Variants in AGBL4 observed in about 807,000 individuals in gnomAD.
AGBL4 encodes cytosolic carboxypeptidase 6.
In AGBL4, 58 loss-of-function variants were observed where a neutral mutation model predicts 66.4. That is an observed-to-expected ratio of 0.87 (90% CI 0.71 to 1.09). AGBL4 has a LOEUF of 1.09. Among genes scored for constraint, AGBL4 ranks in the 50% least tolerant of loss-of-function variants. AGBL4 has a pLI of 0.00. For missense variants in AGBL4, 579 were observed against 631.0 expected, an observed-to-expected ratio of 0.92 and a Z score of 0.88; for synonymous variants, 234 against 222.9, an observed-to-expected ratio of 1.05 and a Z score of -0.44.
intron 4 of AGBL4, among the ~76,000 whole-genome samples, chr1:49,062,790 C>T (rs145915355): frequency 6.1e-4 from 93 of 152,336 alleles, no homozygotes; most frequent in African/African-American, 2.2e-3. Context: ...AAGGAGTCAG[C>T]TGTGACATCT....
intron 3 of AGBL4, among the ~76,000 whole-genome samples, chr1:49,501,537 CT>C (rs35743021): frequency 0.42 from 64,356 of 151,754 alleles, 16,308 homozygotes; most frequent in Non-Finnish European, 0.57. Flanking sequence ...AGTCTTCTCC[CT>C]TTTTTTCTTA....
At chr1:48,940,089 C>A (rs1655830912) in intron 5 of AGBL4, among the ~76,000 whole-genome samples, 1 of 152,170 alleles carries the variant, frequency 6.6e-6, no homozygotes, top group African/African-American at 2.4e-5. Context: ...ACTGCAATGT[C>A]CTTGTGAGAT....
At chr1:49,979,888 T>G (rs771066302) in intron 1 of AGBL4, among the ~76,000 whole-genome samples, 1 of 152,208 alleles carries the variant, frequency 6.6e-6, no homozygotes, top group Non-Finnish European at 1.5e-5. Flanking sequence ...TACCATACAT[T>G]GAAGTCTACA....
intron 5 of AGBL4, among the ~76,000 whole-genome samples, chr1:48,971,948 C>T (rs1275982364): frequency 6.6e-6 from 1 of 152,160 alleles, no homozygotes; most frequent in East Asian, 1.9e-4. Context: ...GGATAGCTCT[C>T]TTCTCTGCCT....
chr1:49,192,396 T>C (rs1224531299), intron 4 of AGBL4, among the ~76,000 whole-genome samples: 1 of 152,224 alleles, frequency 6.6e-6, no homozygotes, highest in Non-Finnish European at 1.5e-5. Context: ...CCTCCTGGGT[T>C]CAAGTGATTC....
chr1:49,509,742 T>G (rs1001969354), intron 3 of AGBL4, among the ~76,000 whole-genome samples: 1 of 151,988 alleles, frequency 6.6e-6, no homozygotes, highest in Admixed American at 6.6e-5. Flanking sequence ...ACAACCTTTA[T>G]GGCCTTGGAG....
intron 3 of AGBL4, among the ~76,000 whole-genome samples, chr1:49,373,568 A>G (rs1270191348): frequency 6.6e-6 from 1 of 152,198 alleles, no homozygotes; most frequent in African/African-American, 2.4e-5. Flanking sequence ...AGAGGGCAAA[A>G]CAAAGGGCAA....
Position 48,905,236 on chromosome 1 carries a change from A to G in AGBL4, c.595-38006T>C, listed in dbSNP as rs17105111. Among the ~76,000 whole-genome samples the G allele has an allele frequency of 8.6e-3, 1,303 of 152,302 alleles. 21 individuals carry two copies. The highest frequency in any genetic ancestry group is 0.03 in the African/African-American group (1,246 of 41,556). On this transcript the variant is annotated intron_variant, in intron 5 of 13. Transcript: ENST00000371839. ...AGCCCCTCTATGAAAGACACTTACA[A>G]CAAGAGGGAAGCAAAAAGCACAGTT...
Position 49,542,357 on chromosome 1 carries a change from C to T in AGBL4, c.282+154956G>A, listed in dbSNP as rs774934200. On this transcript the variant is annotated intron_variant, in intron 3 of 13. Coordinates refer to ENST00000371839, the MANE Select transcript of AGBL4 (RefSeq NM_032785.4). ...TGCCTTTATGAGCTGTAACACTCACCGCAAAGGTCTGCAGCTTCACTCCTG... is the reference window on the plus strand; with the variant it reads ...TGCCTTTATGAGCTGTAACACTCACTGCAAAGGTCTGCAGCTTCACTCCTG... Among the ~76,000 whole-genome samples the T allele has an allele frequency of 5.9e-5, 9 of 152,134 alleles. No homozygotes were observed. In the East Asian group the frequency reaches 9.7e-4, roughly 16 times the overall value.
At chr1:48,986,508 C>T (rs1458358188) in intron 5 of AGBL4, among the ~76,000 whole-genome samples, 1 of 151,924 alleles carries the variant, frequency 6.6e-6, no homozygotes, top group Non-Finnish European at 1.5e-5. Context: ...GACAGAGCAA[C>T]ATGTCTGAAG....
intron 3 of AGBL4, among the ~76,000 whole-genome samples, chr1:49,483,262 C>G (rs1646994028): frequency 6.6e-6 from 1 of 152,056 alleles, no homozygotes; most frequent in Non-Finnish European, 1.5e-5. Context: ...CTTTGAGGAT[C>G]TTAACCAAAG....
At chr1:49,566,675 G>T (rs1459707823) in intron 3 of AGBL4, among the ~76,000 whole-genome samples, 3 of 152,180 alleles carry the variant, frequency 2.0e-5, no homozygotes, top group African/African-American at 4.8e-5. Flanking sequence ...TCTCAGAGGG[G>T]TACCTGGCTT....
chr1:49,809,224 G>A lies in AGBL4; in HGVS notation c.157+42172C>T, dbSNP rs377428673. ...CACAACATGCAGGTTTGTTACATAT[G>A]TATACATGTGCCATGTTGGTGTGCT... is the stretch of plus-strand genomic sequence containing the variant. On this transcript the variant is annotated intron_variant, in intron 2 of 13. Transcript: ENST00000371839. Among the ~76,000 whole-genome samples, 50 of 152,042 alleles carry A rather than the reference G, an allele frequency of 3.3e-4. 1 individual carries two copies. The South Asian group carries it at 9.6e-3, about 29-fold the overall frequency.
chr1:49,340,739 T>G (rs1645523340), intron 3 of AGBL4, among the ~76,000 whole-genome samples: 1 of 152,184 alleles, frequency 6.6e-6, no homozygotes, highest in Admixed American at 6.5e-5. Flanking sequence ...GGCTGAGACC[T>G]GCTGGGCTGC....
intron 1 of AGBL4, among the ~76,000 whole-genome samples, chr1:49,926,201 T>C (rs1393100853): frequency 6.6e-6 from 1 of 152,190 alleles, no homozygotes; most frequent in African/African-American, 2.4e-5. Context: ...CTGCTTATTT[T>C]AGAGAAAGTA....
At chr1:49,790,535 A>G (rs544389447) in intron 2 of AGBL4, among the ~76,000 whole-genome samples, 110 of 152,326 alleles carry the variant, frequency 7.2e-4, no homozygotes, top group African/African-American at 2.5e-3. Flanking sequence ...GGGATGAGTG[A>G]TAATAAATAA....
At chr1:49,174,572 TG>T (rs1646796929) in intron 4 of AGBL4, among the ~76,000 whole-genome samples, 1 of 152,096 alleles carries the variant, frequency 6.6e-6, no homozygotes, top group South Asian at 2.1e-4. Context: ...AAAATGAAAT[TG>T]TTTAGGAACA....
At chr1:49,017,035 C>G (rs1034256266) in intron 5 of AGBL4, among the ~76,000 whole-genome samples, 1 of 152,200 alleles carries the variant, frequency 6.6e-6, no homozygotes, top group Admixed American at 6.5e-5. Flanking sequence ...TAATGAAAAA[C>G]AGCTACCACT....
At chr1:49,071,115 C>A (rs1284613272) in intron 4 of AGBL4, among the ~76,000 whole-genome samples, 1 of 151,730 alleles carries the variant, frequency 6.6e-6, no homozygotes, top group East Asian at 1.9e-4. Context: ...TTTATTGCAT[C>A]TATTTGATTA....
Sources: allele counts gnomAD v4.1 joint callset (sites outside exome capture counted in the v4.1 genomes callset), GRCh38; gene constraint gnomAD v4.1.1; transcripts MANE v1.5; gene names NCBI Gene and HGNC (gene_info 2026-07-23, HGNC 2026-07-21).